OSBPL10: variants seen among roughly 807,000 people sequenced by gnomAD.
OSBPL10 encodes the protein oxysterol binding protein like 10.
In OSBPL10, 49 loss-of-function variants were observed where a neutral mutation model predicts 81.7. That is an observed-to-expected ratio of 0.60 (90% CI 0.48 to 0.76). The LOEUF is 0.76. OSBPL10 is among the 30% of genes least tolerant of loss of function. The pLI is 0.00. For missense variants in OSBPL10, 923 were observed against 987.8 expected (o/e 0.93, Z 0.88); for synonymous variants, 419 against 383.6 (o/e 1.09, Z -1.08).
chr3:31,837,062 A>G (rs1452759803), intron 3 of OSBPL10, among the ~76,000 whole-genome samples: 1 of 152,082 alleles, frequency 6.6e-6, no homozygotes, highest in Non-Finnish European at 1.5e-5. Context: ...GACTCAACTC[A>G]GAAAACACCT....
chr3:31,746,275 G>A (rs1441598827), intron 5 of OSBPL10, among the ~76,000 whole-genome samples: 1 of 152,284 alleles, frequency 6.6e-6, no homozygotes, highest in Admixed American at 6.5e-5. Context: ...TTACTGCAGC[G>A]AGGTGAGTGG....
At chr3:31,943,205 T>A (rs1310229641) in intron 1 of OSBPL10, among the ~76,000 whole-genome samples, 1 of 152,232 alleles carries the variant, frequency 6.6e-6, no homozygotes, top group Non-Finnish European at 1.5e-5. Context: ...TTTTCATGAC[T>A]AAATAATATT....
intron 4 of OSBPL10, among the ~76,000 whole-genome samples, chr3:31,825,506 G>C (rs1700078478): frequency 6.6e-6 from 1 of 152,080 alleles, no homozygotes; most frequent in South Asian, 2.1e-4. Flanking sequence ...ATTTTTTGTT[G>C]AAATGGAGTC....
rs1695510543 is a variant in OSBPL10, at chr3:31,879,973, C to T, written c.282-143G>A. 1.0e-5 allele frequency: 9 copies of T among 858,900 alleles called. No homozygotes were observed. In the South Asian group the frequency reaches 1.6e-4, roughly 16 times the overall value. 53.2% of individuals were successfully genotyped at this position (858,900 alleles called of 1,614,324 possible). ...AAACCAAAAGTCCCTCCCAGATGCC[C>T]ATAGAAGTTAGCCTGAGTAGGGAGA... is the stretch of plus-strand genomic sequence containing the variant. On this transcript the variant is annotated intron_variant, in intron 1 of 11. Coordinates refer to ENST00000396556, the MANE Select transcript of OSBPL10 (RefSeq NM_017784.5).
chr3:31,739,127 A>G (rs9837653), intron 5 of OSBPL10, among the ~76,000 whole-genome samples: 62,843 of 152,008 alleles, frequency 0.41, 13,515 homozygotes, highest in East Asian at 0.7. Context: ...CACAGGTGTG[A>G]TCACTGCATA....
At chr3:31,944,431 C>T (rs1697636503) in intron 1 of OSBPL10, among the ~76,000 whole-genome samples, 1 of 152,084 alleles carries the variant, frequency 6.6e-6, no homozygotes, top group East Asian at 1.9e-4. Flanking sequence ...AACTAAGGTT[C>T]AAGACATCTA....
At chr3:32,034,167 A>G (rs1308515520) in intron 2 of OSBPL10, among the ~76,000 whole-genome samples, 2 of 152,094 alleles carry the variant, frequency 1.3e-5, no homozygotes, top group African/African-American at 4.8e-5. Flanking sequence ...TGAGCCAATT[A>G]CCTCCACCTG....
intron 1 of OSBPL10, among the ~76,000 whole-genome samples, chr3:31,899,567 T>C (rs1034569885): frequency 6.6e-6 from 1 of 152,136 alleles, no homozygotes; most frequent in Non-Finnish European, 1.5e-5. Flanking sequence ...CTGAACACCA[T>C]GCATGTAATC....
chr3:31,819,190 G>A (rs1213970738), intron 4 of OSBPL10, among the ~76,000 whole-genome samples: 3 of 152,082 alleles, frequency 2.0e-5, no homozygotes, highest in South Asian at 2.1e-4. Flanking sequence ...AGGCTCCCCC[G>A]CTGATACCCA....
chr3:31,974,611 A>G (rs1181145805), intron 1 of OSBPL10, among the ~76,000 whole-genome samples: 2 of 152,202 alleles, frequency 1.3e-5, no homozygotes, highest in Admixed American at 1.3e-4. Flanking sequence ...TCCCAAACAT[A>G]ACGTTAAGAG....
At chr3:31,897,268 GCTAAGGGCACTCACAGGA>G (rs928177169) in intron 1 of OSBPL10, among the ~76,000 whole-genome samples, 82 of 152,276 alleles carry the variant, frequency 5.4e-4, no homozygotes, top group African/African-American at 1.9e-3. Context: ...GAAGAGCTTT[GCTAAGGGCACTCACAGGA>G]CTGGTAGAAG....
intron 4 of OSBPL10, among the ~76,000 whole-genome samples, chr3:31,783,869 A>C (rs1394740994): frequency 7.8e-6 from 1 of 128,050 alleles, no homozygotes; most frequent in Admixed American, 8.0e-5. Flanking sequence ...TGAATGAATA[A>C]ATAAAAATTA....
chr3:31,788,827 CATT>C (rs1464121916), intron 4 of OSBPL10, among the ~76,000 whole-genome samples: 4 of 151,920 alleles, frequency 2.6e-5, no homozygotes, highest in African/African-American at 9.7e-5. Context: ...ATTATTAAAA[CATT>C]ATATAGACAT....
intron 2 of OSBPL10, among the ~76,000 whole-genome samples, chr3:32,022,255 G>A (rs926674261): frequency 2.6e-5 from 4 of 152,168 alleles, no homozygotes; most frequent in Non-Finnish European, 5.9e-5. Flanking sequence ...CACTGACATT[G>A]GGATTTGCAG....
At chr3:31,991,856 G>T (rs1472261514) in intron 2 of OSBPL10, among the ~76,000 whole-genome samples, 1 of 134,536 alleles carries the variant, frequency 7.4e-6, no homozygotes, top group Non-Finnish European at 1.5e-5. Flanking sequence ...GAGAATTCAA[G>T]ACAGGCTAAA....
intron 1 of OSBPL10, among the ~76,000 whole-genome samples, chr3:31,960,738 C>T (rs1245393974): frequency 1.3e-5 from 2 of 152,188 alleles, no homozygotes; most frequent in Non-Finnish European, 2.9e-5. Flanking sequence ...GACTGTGCAA[C>T]CCACTTCTCC....
chr3:31,953,120 G>A (rs1263219514), intron 1 of OSBPL10, among the ~76,000 whole-genome samples: 1 of 151,392 alleles, frequency 6.6e-6, no homozygotes, highest in Non-Finnish European at 1.5e-5. Context: ...TTTTAGTAGA[G>A]ACGGGGGTCT....
At chr3:31,987,415 A>T (rs7634140) in intron 2 of OSBPL10, among the ~76,000 whole-genome samples, 45,881 of 152,134 alleles carry the variant, frequency 0.3, 9,024 homozygotes, top group African/African-American at 0.55. Context: ...TCTTTAAATA[A>T]CCTTTTACAT....
intron 4 of OSBPL10, among the ~76,000 whole-genome samples, chr3:31,785,903 G>A (rs1485139981): frequency 1.3e-5 from 2 of 152,116 alleles, no homozygotes; most frequent in African/African-American, 2.4e-5. Context: ...GCATAAAATG[G>A]CCACAGTTAT....
Sources: gnomAD v4.1 joint callset for allele counts (sites outside exome capture counted in the v4.1 genomes callset) on GRCh38, gnomAD v4.1.1 for gene constraint, MANE v1.5 for transcripts, NCBI Gene and HGNC (gene_info 2026-07-23, HGNC 2026-07-21) for gene names.